The following S100A13 variants were observed in gnomAD, a reference collection of about 807,000 sequenced individuals.
S100A13 encodes protein S100-A13.
A neutral mutation model predicts 8.2 loss-of-function variants in S100A13; 6 were observed. The ratio of observed to expected loss-of-function variants is 0.73; its 90% CI spans 0.40 to 1.44. The LOEUF is 1.44. S100A13 is among the 40% of genes most tolerant of loss of function. S100A13 has a pLI of 0.02. For synonymous variants in S100A13, 39 were observed against 45.9 expected (o/e 0.85, Z 0.61); for missense variants, 114 against 113.6 (o/e 1.00, Z -0.02).
At chr1:153,633,880 C>T (rs1483152046), upstream of S100A13, 1 of 152,128 alleles carries the variant, frequency 6.6e-6, no homozygotes. Flanking sequence ...GCCCCAACAA[C>T]AGGACCATTG....
At chr1:153,631,518 G>C, upstream of S100A13, 2 of 1,613,416 alleles carry the variant, frequency 1.2e-6, no homozygotes, top group Non-Finnish European at 1.7e-6. Flanking sequence ...CCAGGTGAAA[G>C]AGCTTATGCT....
At chr1:153,631,833 A>G, upstream of S100A13, 1 of 1,613,566 alleles carries the variant, frequency 6.2e-7, no homozygotes, top group Non-Finnish European at 8.5e-7. Flanking sequence ...CTTCTGGGAG[A>G]ACAGTTGAGC....
At chr1:153,619,364 C>T (rs947399009) in intron 2 of S100A13, among the ~76,000 whole-genome samples, 1 of 152,200 alleles carries the variant, frequency 6.6e-6, no homozygotes, top group African/African-American at 2.4e-5. Flanking sequence ...CTTCTCTCAC[C>T]AGCACACCAC....
intron 2 of S100A13, among the ~76,000 whole-genome samples, chr1:153,624,880 G>C (rs1667508121): frequency 6.6e-6 from 1 of 152,102 alleles, no homozygotes; most frequent in East Asian, 1.9e-4. Context: ...TTCGAAACCA[G>C]CCTGGCCAAC....
At chr1:153,628,865 G>T (rs1667836123), upstream of S100A13, 1 of 253,228 alleles carries the variant, frequency 3.9e-6, no homozygotes, top group Non-Finnish European at 7.7e-6. Flanking sequence ...CGCCTCCTGT[G>T]GGGTAAGAAG....
chr1:153,625,578 T>G lies in S100A13; in HGVS notation c.153+742A>C, dbSNP rs531032198. ...TCCATGAATTTGGCTGTGTTTTCAT[T>G]TTTGATAAGCCCCTTTCCACTGCTA... On this transcript the variant is annotated intron_variant, in intron 2 of 2. Transcript: ENST00000476133. Among the ~76,000 whole-genome samples, 6 of 152,308 alleles carry G rather than the reference T, an allele frequency of 3.9e-5. No individual in the cohort carries two copies. The South Asian group carries it at 1.2e-3, about 32-fold the overall frequency.
chr1:153,626,175 C>A (rs1351301302), intron 2 of S100A13, 145 bp downstream of exon 2: 1 of 769,394 alleles, frequency 1.3e-6, no homozygotes, highest in South Asian at 1.7e-5. Flanking sequence ...CTCGAAAAAA[C>A]AAAAGAAAAC....
chr1:153,632,113 T>C (rs542188668), upstream of S100A13: 727 of 441,690 alleles, frequency 1.6e-3, 5 homozygotes, highest in Non-Finnish European at 2.2e-3. Context: ...CTCCCCTTAT[T>C]TGGGGAAGTG....
intron 2 of S100A13, 27 bp downstream of exon 2, chr1:153,626,293 A>C: frequency 6.2e-7 from 1 of 1,609,906 alleles, no homozygotes; most frequent in Non-Finnish European, 8.5e-7. Flanking sequence ...TCATCTCACA[A>C]AATCTCAGTC....
Position 153,626,370 on chromosome 1 carries a change from C to A in S100A13, c.103G>T (p.Val35Phe), listed in dbSNP as rs373852522. 6.2e-6 allele frequency: 10 copies of A among 1,614,204 alleles called. No individual in the cohort carries two copies. The South Asian group carries it at 1.1e-4, about 18-fold the overall frequency. The change falls in exon 2 of 3, where the codon GTC becomes TTC. Residue 35 changes from valine to phenylalanine, a missense_variant. By Grantham distance (50) the Val-to-Phe change is conservative (BLOSUM62 -1). Transcript: ENST00000476133. Reference sequence around the variant, plus strand: ...GTAACCAGCTCTTTGAACTCGTTGACGCTGAGGCTATCCTTCCGGCCCTCC... The same window carrying A: ...GTAACCAGCTCTTTGAACTCGTTGAAGCTGAGGCTATCCTTCCGGCCCTCC... ...RQEGRKDSLS[V>F]NEFKELVTQQ... is the part of the protein sequence containing the mutation.
upstream of S100A13, chr1:153,627,541 G>C (rs1469605056): frequency 6.5e-6 from 1 of 154,138 alleles, no homozygotes; most frequent in African/African-American, 2.4e-5. Context: ...TATAAGCAGC[G>C]GGGAAGGAGG....
upstream of S100A13, among the ~76,000 whole-genome samples, chr1:153,633,656 T>C (rs900296743): frequency 6.6e-6 from 1 of 151,988 alleles, no homozygotes; most frequent in African/African-American, 2.4e-5. Context: ...ACTGGGCGAG[T>C]GGCCATGAGG....
rs776850673 is a variant in S100A13, at chr1:153,618,864, G to A, written c.*31C>T. On this transcript the variant is annotated 3_prime_UTR_variant, in exon 3 of 3. Transcript: ENST00000476133. The stretch of plus-strand genomic sequence containing the variant: ...GTTCTGCTCGGCCCTGATCAGCTCT[G>A]CCCTGCCCACCCCATCTCAGCCAGG... The A allele has an allele frequency of 1.2e-6, 2 of 1,611,500 alleles. No homozygotes were observed. The highest frequency in any genetic ancestry group is 1.7e-6 in the Non-Finnish European group (2 of 1,178,146).
At chr1:153,631,724 C>G, upstream of S100A13, 1 of 1,614,180 alleles carries the variant, frequency 6.2e-7, no homozygotes, top group Non-Finnish European at 8.5e-7. Context: ...ATGCTGTGGA[C>G]AAGGTGATGA....
chr1:153,631,807 T>C, upstream of S100A13: 2 of 1,614,156 alleles, frequency 1.2e-6, no homozygotes, highest in Non-Finnish European at 1.7e-6. Context: ...GCTCTCACAG[T>C]GGCCTGTAAC....
At chr1:153,620,920 A>C (rs59005288) in intron 2 of S100A13, among the ~76,000 whole-genome samples, 3,998 of 152,130 alleles carry the variant, frequency 0.026, 159 homozygotes, top group African/African-American at 0.092. Context: ...AGGACAAAAA[A>C]AGGTAATTGA....
chr1:153,633,558 G>A (rs146493962), upstream of S100A13, among the ~76,000 whole-genome samples: 12 of 152,206 alleles, frequency 7.9e-5, no homozygotes, highest in Non-Finnish European at 1.2e-4. Context: ...CGGTGGTGTT[G>A]GCCGGTGCAG....
chr1:153,628,412 G>T (rs1405823690), upstream of S100A13: 7 of 1,550,402 alleles, frequency 4.5e-6, no homozygotes, highest in Non-Finnish European at 6.1e-6. Context: ...GTTGAAGACA[G>T]GTCTCCACAC....
Position 153,619,023 on chromosome 1 carries a change from C to A in S100A13, c.169G>T (p.Asp57Tyr). The change falls in exon 3 of 3, where the codon GAT (aspartate) becomes TAT (tyrosine). Residue 57 changes from aspartate to tyrosine, a missense_variant. By Grantham distance (160) the Asp-to-Tyr change is radical. Transcript: ENST00000476133. ...ACATCCAAGCTCTTCATCTTCTCAT[C>A]AAGAGAGCCCACATCCTGAGGAGAC... Reference protein sequence around the residue: ...PHLLKDVGSLDEKMKSLDVNQ... With the variant: ...PHLLKDVGSLYEKMKSLDVNQ... 1.2e-6 allele frequency: 2 copies of A among 1,613,950 alleles called. No homozygotes were observed. The highest frequency in any genetic ancestry group is 1.7e-6 in the Non-Finnish European group (2 of 1,179,912).
Sources: gnomAD v4.1 joint callset for allele counts (sites outside exome capture counted in the v4.1 genomes callset) on GRCh38, gnomAD v4.1.1 for gene constraint, MANE v1.5 for transcripts, NCBI Gene and HGNC (gene_info 2026-07-23, HGNC 2026-07-21) for gene names.